AKAP13: variants seen among roughly 807,000 people sequenced by gnomAD.
The protein encoded by AKAP13 is A-kinase anchoring protein 13.
A neutral mutation model predicts 264.5 loss-of-function variants in AKAP13; 80 were observed. The ratio of observed to expected loss-of-function variants is 0.30; its 90% CI spans 0.25 to 0.36. AKAP13 has a LOEUF of 0.36. Ranked by LOEUF, AKAP13 falls within the 10% of genes least tolerant of loss-of-function variation. AKAP13 has a pLI of 1.00. For missense variants in AKAP13, 3,712 were observed against 3,435.2 expected (o/e 1.08, Z -2.01); for synonymous variants, 1,380 against 1,250.2 (o/e 1.10, Z -2.19).
In AKAP13 at chr15:85,521,490, T is replaced by A; in HGVS notation, c.96T>A (p.Phe32Leu). 1.2e-6 allele frequency: 2 copies of A among 1,614,206 alleles called. No homozygotes were observed. The highest frequency in any genetic ancestry group is 1.3e-5 in the African/African-American group (1 of 75,054). ...ACAAAGCTGAAGATGATGTAGTGTT[T>A]TACTTGGTATTTTTGGGTTCCACCC... ...EEDKAEDDVVFYLVFLGSTLR... is the reference protein window; with the variant it reads ...EEDKAEDDVVLYLVFLGSTLR... The change falls in exon 3 of 37, where the codon TTT (phenylalanine) becomes TTA (leucine). Residue 32 changes from phenylalanine to leucine, a missense_variant. By Grantham distance (22) the Phe-to-Leu change is conservative (BLOSUM62 0). Transcript: ENST00000394518.
intron 29 of AKAP13, among the ~76,000 whole-genome samples, chr15:85,729,002 T>G (rs147421933): frequency 6.6e-6 from 1 of 151,938 alleles, no homozygotes; most frequent in Non-Finnish European, 1.5e-5. Flanking sequence ...AATAAGGTCA[T>G]TAAAATCTGA....
intron 1 of AKAP13, among the ~76,000 whole-genome samples, chr15:85,408,269 T>C (rs2071769854): frequency 6.6e-6 from 1 of 151,800 alleles, no homozygotes; most frequent in Non-Finnish European, 1.5e-5. Context: ...GTAATTGATA[T>C]TTTAAGAATA....
chr15:85,699,984 A>G (rs1262603633), intron 17 of AKAP13, among the ~76,000 whole-genome samples: 2 of 152,232 alleles, frequency 1.3e-5, no homozygotes, highest in Non-Finnish European at 2.9e-5. Context: ...TATGGTTATA[A>G]TGAGTGGCTG....
Position 85,543,942 on chromosome 15 carries a change from C to G in AKAP13, c.649C>G (p.Gln217Glu), listed in dbSNP as rs1454452589. The G allele has an allele frequency of 6.2e-7, 1 of 1,611,958 alleles. No homozygotes were observed. Among genetic ancestry groups the G allele is most frequent in the Admixed American group, 1.7e-5 (1 of 59,944 alleles). Residue 217 changes from glutamine to glutamate, a missense_variant, in exon 5 of 37, where the codon CAG (glutamine) becomes GAG (glutamate). Physicochemically the swap from Gln to Glu is conservative, Grantham distance 29. Transcript: ENST00000394518. ...ALERGYHKLH[Q>E]LLTEENAGEP... is the part of the protein sequence containing the mutation. ...GGAGCGAGGCTATCACAAGCTGCAC[C>G]AGCTTCTAACCGAGTAAGTGCTCCT...
At chr15:85,744,311 CT>C (rs1231629867) in intron 36 of AKAP13, 5 of 348,992 alleles carry the variant, frequency 1.4e-5, no homozygotes, top group Non-Finnish European at 2.1e-5. Flanking sequence ...TCATGTACCA[CT>C]TTTTCCCCTG....
chr15:85,688,781 A>G (rs2085089445), intron 16 of AKAP13, among the ~76,000 whole-genome samples: 1 of 152,194 alleles, frequency 6.6e-6, no homozygotes. Context: ...GACTGGCATA[A>G]GTGATTAGAT....
intron 8 of AKAP13, among the ~76,000 whole-genome samples, chr15:85,606,459 T>C (rs2080345410): frequency 1.3e-5 from 2 of 152,192 alleles, no homozygotes; most frequent in South Asian, 2.1e-4. Flanking sequence ...TTTTCAGATA[T>C]GCATATTTAT....
chr15:85,732,072 G>C (rs1310927715), intron 30 of AKAP13, among the ~76,000 whole-genome samples: 1 of 117,966 alleles, frequency 8.5e-6, no homozygotes, highest in Non-Finnish European at 1.7e-5. Flanking sequence ...AACAGAGCGA[G>C]ACTATCTCAA....
At chr15:85,740,927 A>AG in intron 34 of AKAP13, 119 bp from the exon 35 acceptor site, 1 of 1,459,306 alleles carries the variant, frequency 6.9e-7, no homozygotes, top group African/African-American at 1.4e-5. Context: ...TTGAAAAATG[A>AG]GGGGAGAGTT....
chr15:85,438,869 A>AAG (rs1251165765), intron 1 of AKAP13, among the ~76,000 whole-genome samples: 2 of 150,038 alleles, frequency 1.3e-5, no homozygotes, highest in Non-Finnish European at 3.0e-5. Context: ...AAAACCCTAG[A>AAG]AGAAAACCTA....
At chr15:85,542,625 C>G (rs2077611792) in intron 4 of AKAP13, among the ~76,000 whole-genome samples, 2 of 152,190 alleles carry the variant, frequency 1.3e-5, no homozygotes, top group Admixed American at 6.5e-5. Context: ...TTCAGGGTGC[C>G]ATTCCCAGCT....
At chr15:85,390,830 A>G (rs202223834) in intron 1 of AKAP13, among the ~76,000 whole-genome samples, 2 of 152,228 alleles carry the variant, frequency 1.3e-5, no homozygotes, top group Non-Finnish European at 2.9e-5. Flanking sequence ...TTTTACCTGA[A>G]CAACTGGGTA....
At chr15:85,721,621 T>C (rs1235847087) in intron 23 of AKAP13, among the ~76,000 whole-genome samples, 5 of 152,210 alleles carry the variant, frequency 3.3e-5, no homozygotes, top group Non-Finnish European at 5.9e-5. Context: ...ATATTTAAGA[T>C]TGTCTCATGA....
intron 5 of AKAP13, among the ~76,000 whole-genome samples, chr15:85,547,546 AT>A (rs755605806): frequency 1.6e-4 from 11 of 69,730 alleles, no homozygotes; most frequent in African/African-American, 5.8e-4. Flanking sequence ...TACTCAGGAC[AT>A]TTTTTTTACA....
intron 2 of AKAP13, among the ~76,000 whole-genome samples, chr15:85,500,924 GTC>G (rs2076021833): frequency 6.6e-6 from 1 of 152,162 alleles, no homozygotes; most frequent in Non-Finnish European, 1.5e-5. Context: ...ATTCTCAGCT[GTC>G]TCTCTTTGTT....
chr15:85,387,102 A>G (rs1035819670), intron 1 of AKAP13, among the ~76,000 whole-genome samples: 11 of 151,854 alleles, frequency 7.2e-5, no homozygotes, highest in Non-Finnish European at 1.6e-4. Context: ...TTGGAGGCTG[A>G]GGCGGGTGGA....
At chr15:85,405,118 A>G (rs1233552894) in intron 1 of AKAP13, among the ~76,000 whole-genome samples, 1 of 151,990 alleles carries the variant, frequency 6.6e-6, no homozygotes, top group Non-Finnish European at 1.5e-5. Flanking sequence ...GAGCTTATGA[A>G]TAGATGAGTC....
In AKAP13 at chr15:85,562,599, ATATATATC is replaced by A. The variant is rs1252527563; in HGVS notation, c.663-12530_663-12523del. 5.1e-5 allele frequency among the ~76,000 whole-genome samples: 7 copies of A among 136,428 alleles called. No homozygotes were observed. The East Asian group carries it at 6.5e-4, about 13-fold the overall frequency. The allele number at this position is 136,428 out of a possible 152,430, so 89.5% of individuals were successfully genotyped here. A position where few individuals can be genotyped will look rare whatever the true frequency, so the allele number is the denominator to read the frequency against. On this transcript the variant is annotated intron_variant, in intron 5 of 36. Transcript: ENST00000394518. The stretch of plus-strand genomic sequence containing the variant: ...AATATATATATATATATATATATAT[ATATATATC>A]TCTGTCCTTATATCTTAATCCTTGA...
intron 1 of AKAP13, among the ~76,000 whole-genome samples, chr15:85,420,092 C>T (rs2072450538): frequency 6.6e-6 from 1 of 151,918 alleles, no homozygotes; most frequent in Admixed American, 6.6e-5. Flanking sequence ...CAGGCGCCCG[C>T]CACTACGCCC....
Sources: gnomAD v4.1 joint callset for allele counts (sites outside exome capture counted in the v4.1 genomes callset) on GRCh38, gnomAD v4.1.1 for gene constraint, MANE v1.5 for transcripts, NCBI Gene and HGNC (gene_info 2026-07-23, HGNC 2026-07-21) for gene names.